The following PTPRD variants were observed in gnomAD, a reference collection of about 807,000 sequenced individuals.
PTPRD encodes receptor-type tyrosine-protein phosphatase delta.
In PTPRD, 34 loss-of-function variants were observed where a neutral mutation model predicts 214.5. The ratio of observed to expected loss-of-function variants is 0.16; its 90% CI spans 0.12 to 0.21. PTPRD has a LOEUF of 0.21. PTPRD is among the 10% of genes least tolerant of loss of function. PTPRD has a pLI of 1.00. For synonymous variants in PTPRD, 1,128 were observed against 845.7 expected, an observed-to-expected ratio of 1.33 and a Z score of -5.79; for missense variants, 2,545 against 2,398.7, an observed-to-expected ratio of 1.06 and a Z score of -1.27.
At chr9:10,455,996 C>G (rs1208187851) in intron 2 of PTPRD, among the ~76,000 whole-genome samples, 1 of 151,692 alleles carries the variant, frequency 6.6e-6, no homozygotes, top group African/African-American at 2.4e-5. Flanking sequence ...ATATAGCTGT[C>G]TTTGTTATAA....
At chr9:8,781,096 T>G (rs1672154167) in intron 11 of PTPRD, among the ~76,000 whole-genome samples, 1 of 152,216 alleles carries the variant, frequency 6.6e-6, no homozygotes, top group South Asian at 2.1e-4. Context: ...CAACCACTTT[T>G]TTTTTTCCAG....
chr9:10,512,032 A>ACACACACG, intron 2 of PTPRD, among the ~76,000 whole-genome samples: 2 of 15,212 alleles, frequency 1.3e-4, no homozygotes, highest in South Asian at 4.8e-3. Context: ...ATATATATGT[A>ACACACACG]TATATATATA....
chr9:10,569,095 C>T (rs955580776), intron 2 of PTPRD, among the ~76,000 whole-genome samples: 1 of 151,914 alleles, frequency 6.6e-6, no homozygotes, highest in Non-Finnish European at 1.5e-5. Context: ...AAAAACCCAT[C>T]AAAAAATGGG....
intron 7 of PTPRD, among the ~76,000 whole-genome samples, chr9:9,608,416 G>A (rs1029291394): frequency 6.6e-6 from 1 of 152,006 alleles, no homozygotes; most frequent in South Asian, 2.1e-4. Flanking sequence ...GTCCAGTAAG[G>A]GAAAATTTCT....
At chr9:9,297,131 T>C (rs570348205) in intron 9 of PTPRD, among the ~76,000 whole-genome samples, 1 of 151,846 alleles carries the variant, frequency 6.6e-6, no homozygotes, top group African/African-American at 2.4e-5. Flanking sequence ...GGGGCCACAG[T>C]CTTCCCAAAT....
intron 43 of PTPRD, among the ~76,000 whole-genome samples, chr9:8,337,453 G>A (rs1848074867): frequency 6.6e-6 from 1 of 151,356 alleles, no homozygotes; most frequent in South Asian, 2.1e-4. Context: ...CCTGTTGCGG[G>A]TTTGGAGTCT....
intron 14 of PTPRD, among the ~76,000 whole-genome samples, chr9:8,546,284 G>A (rs1413796202): frequency 6.6e-6 from 1 of 152,164 alleles, no homozygotes. Flanking sequence ...TCATCTGCTG[G>A]AGAACAGATT....
At chr9:10,175,087 T>C (rs1395027484) in intron 3 of PTPRD, among the ~76,000 whole-genome samples, 4 of 152,072 alleles carry the variant, frequency 2.6e-5, no homozygotes, top group African/African-American at 9.7e-5. Flanking sequence ...AATAAAGCCT[T>C]AGGTATTGCC....
At chr9:8,683,705 G>A (rs1289499599) in intron 12 of PTPRD, among the ~76,000 whole-genome samples, 1 of 152,172 alleles carries the variant, frequency 6.6e-6, no homozygotes, top group Non-Finnish European at 1.5e-5. Context: ...ACAGGGTTGT[G>A]ACAGCACTGG....
At chr9:9,287,467 C>T (rs570378631) in intron 9 of PTPRD, among the ~76,000 whole-genome samples, 34 of 151,926 alleles carry the variant, frequency 2.2e-4, no homozygotes, top group African/African-American at 6.5e-4. Context: ...TTCTATCCAG[C>T]CAGACTTCAC....
At chr9:9,896,972 C>G (rs2075144211) in intron 5 of PTPRD, among the ~76,000 whole-genome samples, 2 of 151,950 alleles carry the variant, frequency 1.3e-5, no homozygotes, top group African/African-American at 4.8e-5. Context: ...CTCAAATAAT[C>G]TCTGGACTTG....
intron 2 of PTPRD, among the ~76,000 whole-genome samples, chr9:10,593,011 C>T (rs547898188): frequency 2.2e-4 from 34 of 152,094 alleles, no homozygotes; most frequent in African/African-American, 7.5e-4. Context: ...TCTGTGCCAT[C>T]TTTAAGAGCT....
At chr9:10,281,027 T>C (rs887370399) in intron 3 of PTPRD, among the ~76,000 whole-genome samples, 1 of 152,180 alleles carries the variant, frequency 6.6e-6, no homozygotes, top group African/African-American at 2.4e-5. Flanking sequence ...ACCAGCACAT[T>C]CATCTAGCAG....
At chr9:8,337,530 G>T (rs149344318) in intron 43 of PTPRD, among the ~76,000 whole-genome samples, 1 of 151,896 alleles carries the variant, frequency 6.6e-6, no homozygotes, top group South Asian at 2.1e-4. Flanking sequence ...CCAAACCACC[G>T]TGGCACATGT....
intron 3 of PTPRD, among the ~76,000 whole-genome samples, chr9:10,046,634 T>G (rs1480309652): frequency 6.6e-6 from 1 of 151,930 alleles, no homozygotes; most frequent in Non-Finnish European, 1.5e-5. Flanking sequence ...CTTGCAACTA[T>G]GCAATGGTTT....
intron 2 of PTPRD, among the ~76,000 whole-genome samples, chr9:10,401,698 G>T (rs1411642551): frequency 1.3e-5 from 2 of 148,218 alleles, no homozygotes; most frequent in Non-Finnish European, 3.0e-5. Flanking sequence ...TAATAAAATG[G>T]CATTCAGATA....
chr9:9,538,573 C>G (rs1226384511), intron 8 of PTPRD, among the ~76,000 whole-genome samples: 1 of 151,808 alleles, frequency 6.6e-6, no homozygotes, highest in Non-Finnish European at 1.5e-5. Flanking sequence ...ATATGGCACC[C>G]AACTCAGTAA....
intron 5 of PTPRD, among the ~76,000 whole-genome samples, chr9:9,906,235 AATATT>A (rs2077535022): frequency 6.6e-6 from 1 of 151,982 alleles, no homozygotes; most frequent in Non-Finnish European, 1.5e-5. Flanking sequence ...TTTGTTATAA[AATATT>A]AAGGAAAGAA....
intron 23 of PTPRD, 47 bp from the exon 24 acceptor site, chr9:8,501,106 A>T: frequency 7.2e-7 from 1 of 1,393,978 alleles, no homozygotes; most frequent in Non-Finnish European, 9.8e-7. Flanking sequence ...AAAGGACAGG[A>T]GTGGTTGAAA....
Sources: gnomAD v4.1 joint callset for allele counts (sites outside exome capture counted in the v4.1 genomes callset) on GRCh38, gnomAD v4.1.1 for gene constraint, MANE v1.5 for transcripts, NCBI Gene and HGNC (gene_info 2026-07-23, HGNC 2026-07-21) for gene names.